Variants in SHC3 observed in about 807,000 individuals in gnomAD.
SHC3 encodes the protein SHC adaptor protein 3, also known as SHC-transforming protein 3.
In SHC3, 15 loss-of-function variants were observed where a neutral mutation model predicts 60.4. That is an observed-to-expected ratio of 0.25 (90% CI 0.17 to 0.38). SHC3 has a LOEUF of 0.38. Ranked by LOEUF, SHC3 falls within the 10% of genes least tolerant of loss-of-function variation. The pLI is 1.00. For missense variants in SHC3, 677 were observed against 786.1 expected (o/e 0.86, Z 1.66); for synonymous variants, 294 against 325.9 (o/e 0.90, Z 1.05).
Position 89,178,559 on chromosome 9 carries a change from G to A in SHC3, c.-99C>T. On this transcript the variant is annotated 5_prime_UTR_variant, in exon 1 of 12. Coordinates refer to ENST00000375835, the MANE Select transcript of SHC3 (RefSeq NM_016848.6). This position sits in a 1 kb window ranked among gnomAD's most constrained non-coding sequence, Gnocchi z 6.9. ...AGGCGAGCCACTGTCCCCGGAGCGG[G>A]ACGGAGAGTGGGGGCCCCGGGACAG... 1.6e-6 allele frequency: 2 copies of A among 1,223,858 alleles called. No homozygotes were observed. Among genetic ancestry groups the A allele is most frequent in the Non-Finnish European group, 2.2e-6 (2 of 919,862 alleles). The allele number at this position is 1,223,858 out of a possible 1,614,324, so 75.8% of individuals were successfully genotyped here. A position where few individuals can be genotyped will look rare whatever the true frequency, so the allele number is the denominator to read the frequency against.
At chr9:89,064,903 T>G (rs944485) in intron 6 of SHC3, among the ~76,000 whole-genome samples, 87,800 of 151,954 alleles carry the variant, frequency 0.58, 26,676 homozygotes, top group East Asian at 0.96. Context: ...CGTTATTAAT[T>G]CCATTTGTTA....
chr9:89,031,350 C>T lies in SHC3; in HGVS notation c.1656+6643G>A, dbSNP rs148455820. ...GTCAATCTTAGAACATTTTCATCAC[C>T]ATAAAAAGAAATGCCATACCTTTCA... On this transcript the variant is annotated intron_variant, in intron 11 of 11. Transcript: ENST00000375835. 3.3e-4 allele frequency among the ~76,000 whole-genome samples: 50 copies of T among 152,248 alleles called. No homozygotes were observed. The East Asian group carries it at 9.5e-3, about 29-fold the overall frequency.
intron 1 of SHC3, among the ~76,000 whole-genome samples, chr9:89,164,784 A>G (rs1055999824): frequency 1.5e-4 from 23 of 152,212 alleles, no homozygotes; most frequent in Non-Finnish European, 2.6e-4. Context: ...AATTTTCTTA[A>G]CTTGTAAAAA....
chr9:89,028,469 T>C (rs1356734809), intron 11 of SHC3, among the ~76,000 whole-genome samples: 1 of 135,270 alleles, frequency 7.4e-6, no homozygotes, highest in Non-Finnish European at 1.5e-5. Context: ...TTTATATTAA[T>C]AGATATAGAT....
At chr9:89,016,513 G>T (rs962933264) in intron 11 of SHC3, among the ~76,000 whole-genome samples, 1 of 151,984 alleles carries the variant, frequency 6.6e-6, no homozygotes, top group Non-Finnish European at 1.5e-5. Context: ...ATGTATTAAA[G>T]AAATTGAACC....
At chr9:89,142,164 C>A (rs1332753985) in intron 1 of SHC3, among the ~76,000 whole-genome samples, 1 of 152,204 alleles carries the variant, frequency 6.6e-6, no homozygotes. Flanking sequence ...AAGGACTTTA[C>A]TAAATGGCTC....
chr9:89,110,148 A>G (rs1450590719), intron 2 of SHC3: 2 of 985,276 alleles, frequency 2.0e-6, no homozygotes. Context: ...AACTAAGAAG[A>G]TTTTATACAT....
chr9:89,131,006 A>G (rs1826236389), intron 1 of SHC3, among the ~76,000 whole-genome samples: 1 of 152,032 alleles, frequency 6.6e-6, no homozygotes. Context: ...TTGATAGACC[A>G]CTAGCAAGAC....
chr9:89,125,414 G>A (rs1471588757), intron 1 of SHC3, among the ~76,000 whole-genome samples: 1 of 151,638 alleles, frequency 6.6e-6, no homozygotes, highest in Non-Finnish European at 1.5e-5. Flanking sequence ...CAGTGATGGT[G>A]GTGTCTACTT....
At chr9:89,039,977 C>G (rs1253370182) in intron 10 of SHC3, among the ~76,000 whole-genome samples, 2 of 150,970 alleles carry the variant, frequency 1.3e-5, no homozygotes, top group Non-Finnish European at 3.0e-5. Context: ...ACCATCAGCA[C>G]CATCAGCACT....
At chr9:89,166,006 T>A (rs1263814057) in intron 1 of SHC3, among the ~76,000 whole-genome samples, 1 of 152,184 alleles carries the variant, frequency 6.6e-6, no homozygotes, top group Non-Finnish European at 1.5e-5. Context: ...CCCACCATAC[T>A]TGCCAAAGTC....
chr9:89,068,835 G>T (rs1202497878), intron 5 of SHC3, among the ~76,000 whole-genome samples: 1 of 152,172 alleles, frequency 6.6e-6, no homozygotes, highest in Non-Finnish European at 1.5e-5. Context: ...TTTAAGAAGA[G>T]CTCTTGAAGG....
At chr9:89,141,648 T>C (rs1295196094) in intron 1 of SHC3, among the ~76,000 whole-genome samples, 1 of 152,164 alleles carries the variant, frequency 6.6e-6, no homozygotes, top group Non-Finnish European at 1.5e-5. Flanking sequence ...TTTTCTGTTC[T>C]GGCCGGAGAA....
At chr9:89,024,185 C>T (rs1269036250) in intron 11 of SHC3, among the ~76,000 whole-genome samples, 1 of 152,234 alleles carries the variant, frequency 6.6e-6, no homozygotes, top group Non-Finnish European at 1.5e-5. Flanking sequence ...GTGTAAAGGG[C>T]ATGGTCATCC....
Position 89,112,633 on chromosome 9 carries a change from G to A in SHC3, c.475-7C>T, listed in dbSNP as rs1825966532. 4 of 1,579,244 alleles carry A rather than the reference G, an allele frequency of 2.5e-6. No individual in the cohort carries two copies. The highest frequency in any genetic ancestry group is 3.4e-6 in the Non-Finnish European group (4 of 1,166,192). On this transcript the variant is annotated splice_region_variant and splice_polypyrimidine_tract_variant and intron_variant, in intron 1 of 11. Transcript: ENST00000375835. ...CTTCAATGCACCCCAAGTACTGCAA[G>A]GGGAAAAAATGTAAATCGTGAGCCC...
At chr9:89,087,058 C>T (rs1329195059) in intron 2 of SHC3, among the ~76,000 whole-genome samples, 2 of 152,154 alleles carry the variant, frequency 1.3e-5, no homozygotes, top group Non-Finnish European at 2.9e-5. Context: ...CACACCCATC[C>T]GCCCACATGA....
intron 1 of SHC3, among the ~76,000 whole-genome samples, chr9:89,125,745 T>C (rs1340036866): frequency 6.6e-6 from 1 of 152,142 alleles, no homozygotes; most frequent in Non-Finnish European, 1.5e-5. Flanking sequence ...AGTTTACAAA[T>C]GCCAGGCAAC....
In SHC3 at chr9:89,077,897, G is replaced by A. The variant is rs111929049; in HGVS notation, c.552C>T (p.Ala184=). 2.8e-5 allele frequency: 45 copies of A among 1,614,214 alleles called. 2 individuals carry two copies. The highest frequency in any genetic ancestry group is 1.9e-4 in the African/African-American group (14 of 75,056). ...FSTRTQITRE[A]ISRVCEAVPG... ...GCACAGCTTCACAGACGCGGCTGAT[G>A]GCTTCCCTTAGGACAGGAAGAAAAA... is the stretch of plus-strand genomic sequence containing the variant. Residue 184 remains alanine, a synonymous_variant, in exon 3 of 12, where the codon GCC becomes GCT. Coordinates refer to ENST00000375835, the MANE Select transcript of SHC3 (RefSeq NM_016848.6).
intron 7 of SHC3, among the ~76,000 whole-genome samples, chr9:89,049,803 C>T (rs1213011334): frequency 6.6e-6 from 1 of 152,214 alleles, no homozygotes; most frequent in Non-Finnish European, 1.5e-5. Context: ...TCAAATAAGG[C>T]AAACGCCGAG....
Sources: allele counts gnomAD v4.1 joint callset (sites outside exome capture counted in the v4.1 genomes callset), GRCh38; gene constraint gnomAD v4.1.1; non-coding constraint Gnocchi (gnomAD v3.1); transcripts MANE v1.5; gene names NCBI Gene and HGNC (gene_info 2026-07-23, HGNC 2026-07-21).